The following RHOBTB1 variants were observed in gnomAD, a reference collection of about 807,000 sequenced individuals.
RHOBTB1 encodes the protein rho-related BTB domain-containing protein 1.
In RHOBTB1, 40 loss-of-function variants were observed where a neutral mutation model predicts 71.6. That is an observed-to-expected ratio of 0.56 (90% confidence interval 0.43 to 0.73). The LOEUF (loss-of-function observed/expected upper bound fraction) is 0.73, where lower values mean the gene tolerates loss of function less well. RHOBTB1 is among the 30% of genes least tolerant of loss of function. RHOBTB1 has a pLI of 0.00. For missense variants in RHOBTB1, 797 were observed against 894.0 expected (o/e 0.89, Z 1.38); for synonymous variants, 319 against 334.9 (o/e 0.95, Z 0.52).
chr10:60,863,684 C>T, the RHOBTB1 span, among the ~76,000 whole-genome samples: 1 of 152,238 alleles, frequency 6.6e-6, no homozygotes, highest in South Asian at 2.1e-4. Flanking sequence ...AGGTGCCTGC[C>T]ACCATGCCTG....
chr10:60,962,050 C>T (rs1156500380), intron 2 of RHOBTB1, among the ~76,000 whole-genome samples: 3 of 152,016 alleles, frequency 2.0e-5, no homozygotes, highest in Non-Finnish European at 4.4e-5. Flanking sequence ...TGAATTGATC[C>T]GCCGGCCTCG....
intron 2 of RHOBTB1, among the ~76,000 whole-genome samples, chr10:60,933,596 T>C (rs2084384993): frequency 6.6e-6 from 1 of 151,824 alleles, no homozygotes; most frequent in African/African-American, 2.4e-5. Context: ...GGCACGTGCC[T>C]GTAGTCCAAG....
intron 2 of RHOBTB1, among the ~76,000 whole-genome samples, chr10:60,977,113 G>T (rs1485502687): frequency 6.6e-6 from 1 of 151,998 alleles, no homozygotes; most frequent in Non-Finnish European, 1.5e-5. Context: ...TTCTGACTTA[G>T]AATAAAATGA....
intron 2 of RHOBTB1, among the ~76,000 whole-genome samples, chr10:60,918,215 T>C (rs1564956774): frequency 1.3e-5 from 2 of 152,156 alleles, no homozygotes; most frequent in Non-Finnish European, 2.9e-5. Context: ...GTCCCCTAAT[T>C]TAATGGTGAC....
At chr10:60,907,202 C>G (rs1029549590) in intron 4 of RHOBTB1, among the ~76,000 whole-genome samples, 7 of 152,180 alleles carry the variant, frequency 4.6e-5, no homozygotes, top group Non-Finnish European at 7.3e-5. Context: ...TCAAATATGT[C>G]TTTATTACCA....
intron 2 of RHOBTB1, among the ~76,000 whole-genome samples, chr10:60,985,149 T>C (rs925516687): frequency 2.6e-5 from 4 of 152,204 alleles, no homozygotes; most frequent in Non-Finnish European, 5.9e-5. Context: ...TCCTTTTAAA[T>C]ATGCATTAGA....
At chr10:60,967,925 T>C (rs964292177) in intron 2 of RHOBTB1, among the ~76,000 whole-genome samples, 9 of 152,154 alleles carry the variant, frequency 5.9e-5, no homozygotes, top group African/African-American at 2.2e-4. Context: ...TTAAGATGAC[T>C]AGGAAGGGAG....
intron 4 of RHOBTB1, among the ~76,000 whole-genome samples, chr10:60,909,096 G>A (rs2082834681): frequency 6.6e-6 from 1 of 152,176 alleles, no homozygotes; most frequent in Admixed American, 6.5e-5. Flanking sequence ...CACACACGCA[G>A]GTATGGCATG....
At chr10:60,986,700 G>A (rs1379742681) in intron 1 of RHOBTB1, among the ~76,000 whole-genome samples, 1 of 151,836 alleles carries the variant, frequency 6.6e-6, no homozygotes, top group East Asian at 1.9e-4. Context: ...TTATGAGTAC[G>A]ACTGACTACC....
chr10:60,914,136 T>C (rs2083142994), intron 2 of RHOBTB1, among the ~76,000 whole-genome samples: 1 of 152,026 alleles, frequency 6.6e-6, no homozygotes, highest in Non-Finnish European at 1.5e-5. Context: ...AATTAAAGAA[T>C]ACAGAAACAA....
chr10:60,870,593 A>G lies in RHOBTB1; in HGVS notation c.*889T>C, dbSNP rs2080733003. ...CCCATCTCAATTCAAGTCAGTGAAG[A>G]ATCTGCATGCAGAAGCATGGCAAGT... is the stretch of plus-strand genomic sequence containing the variant. On this transcript the variant is annotated 3_prime_UTR_variant, in exon 11 of 11. Transcript: ENST00000337910. 1 of 152,190 alleles carries G rather than the reference A, an allele frequency of 6.6e-6. No individual in the cohort carries two copies. Among genetic ancestry groups the G allele is most frequent in the Non-Finnish European group, 1.5e-5 (1 of 68,038 alleles). The allele number at this position is 152,190 out of a possible 1,614,324, so 9.4% of individuals were successfully genotyped here.
At chr10:60,921,210 A>C (rs1054687609) in intron 2 of RHOBTB1, among the ~76,000 whole-genome samples, 21 of 152,072 alleles carry the variant, frequency 1.4e-4, no homozygotes, top group Admixed American at 1.1e-3. Flanking sequence ...GGCCTCCCAA[A>C]GTGCTGGGAT....
chr10:60,979,387 A>G (rs965848973), intron 2 of RHOBTB1, among the ~76,000 whole-genome samples: 1 of 152,198 alleles, frequency 6.6e-6, no homozygotes, highest in Non-Finnish European at 1.5e-5. Context: ...CAATGGTCAA[A>G]AAGAAAATAC....
At chr10:60,881,243 CT>C (rs2081316558) in intron 7 of RHOBTB1, among the ~76,000 whole-genome samples, 1 of 152,138 alleles carries the variant, frequency 6.6e-6, no homozygotes, top group Admixed American at 6.6e-5. Flanking sequence ...TCCATTAAAC[CT>C]TTTTCTTTAT....
chr10:60,862,396 C>T, the RHOBTB1 span, among the ~76,000 whole-genome samples: 2 of 152,134 alleles, frequency 1.3e-5, no homozygotes, highest in South Asian at 2.1e-4. Context: ...TAGCGTTTCA[C>T]CATGTTGGCC....
rs1028736000 is a variant in RHOBTB1, at chr10:60,888,570, A to G, written c.1098T>C (p.Pro366=). The change falls in exon 6 of 11, where the codon CCT becomes CCC. Residue 366 remains proline (P), a synonymous_variant. Coordinates refer to ENST00000337910, the MANE Select transcript of RHOBTB1 (RefSeq NM_014836.5). ...ALGLEAEGAV[P]ETQTLTGWSK... is the part of the protein sequence containing the mutation. ...TCCATCCGGTCAAAGTCTGTGTCTC[A>G]GGAACTGCACCCTCGGCTTCCAGCC... 5.6e-6 allele frequency: 9 copies of G among 1,614,068 alleles called. No individual in the cohort carries two copies. The highest frequency in any genetic ancestry group is 4.0e-5 in the African/African-American group (3 of 74,940).
intron 9 of RHOBTB1, among the ~76,000 whole-genome samples, chr10:60,874,273 C>T (rs770822257): frequency 5.3e-5 from 8 of 152,202 alleles, no homozygotes; most frequent in Non-Finnish European, 8.8e-5. Context: ...TGCAGATGTG[C>T]CTGGCATTGT....
At chr10:60,903,005 C>A (rs1192942420) in intron 4 of RHOBTB1, among the ~76,000 whole-genome samples, 3 of 152,092 alleles carry the variant, frequency 2.0e-5, no homozygotes, top group Admixed American at 2.0e-4. Flanking sequence ...AATTAAGGAG[C>A]CAATTTTCCC....
intron 2 of RHOBTB1, among the ~76,000 whole-genome samples, chr10:60,969,315 C>CCACAAAAG: frequency 6.6e-6 from 1 of 152,092 alleles, no homozygotes; most frequent in Admixed American, 6.6e-5. Flanking sequence ...GATATAGCAG[C>CCACAAAAG]CACAAAAGCA....
Sources: allele counts gnomAD v4.1 joint callset (sites outside exome capture counted in the v4.1 genomes callset), GRCh38; gene constraint gnomAD v4.1.1; transcripts MANE v1.5; gene names NCBI Gene and HGNC (gene_info 2026-07-23, HGNC 2026-07-21).